The following NINJ2 variants were observed in gnomAD, a reference collection of about 807,000 sequenced individuals.
NINJ2 encodes the protein ninjurin 2, also known as ninjurin-2.
A neutral mutation model predicts 11.7 loss-of-function variants in NINJ2; 12 were observed. The observed-to-expected ratio is 1.02, with a 90% confidence interval of 0.66 to 1.66. The LOEUF is 1.66. Ranked by LOEUF, NINJ2 falls within the 40% of genes most tolerant of loss-of-function variation. The probability of loss-of-function intolerance (pLI) is 0.00; values close to 1 mark genes in which losing one functional copy is unlikely to be tolerated. For missense variants in NINJ2, 187 were observed against 181.8 expected, an observed-to-expected ratio of 1.03 and a Z score of -0.16; for synonymous variants, 93 against 76.8, an observed-to-expected ratio of 1.21 and a Z score of -1.10.
intron 1 of NINJ2, among the ~76,000 whole-genome samples, chr12:600,030 A>G (rs1438274474): frequency 6.6e-6 from 1 of 152,134 alleles, no homozygotes; most frequent in Admixed American, 6.6e-5. Flanking sequence ...ATGTGCCCAG[A>G]AGCAAATTGG....
intron 1 of NINJ2, among the ~76,000 whole-genome samples, chr12:618,330 G>A (rs1948117668): frequency 1.4e-5 from 1 of 72,668 alleles, no homozygotes; most frequent in Non-Finnish European, 3.2e-5. Flanking sequence ...GTGGGGGTGA[G>A]GAGTTGGTAA....
At chr12:582,449 G>T in intron 1 of NINJ2, among the ~76,000 whole-genome samples, 1 of 122,994 alleles carries the variant, frequency 8.1e-6, no homozygotes, top group East Asian at 2.6e-4. Context: ...ATGAATGGAC[G>T]CAGGCAGGCA....
chr12:574,224 A>AAAAT (rs1169879155), intron 1 of NINJ2, among the ~76,000 whole-genome samples: 2 of 152,178 alleles, frequency 1.3e-5, no homozygotes, highest in Non-Finnish European at 1.5e-5. Flanking sequence ...CTCTGTCTCT[A>AAAAT]AAATAAATAA....
intron 1 of NINJ2, among the ~76,000 whole-genome samples, chr12:584,235 G>A (rs1328630168): frequency 6.6e-6 from 1 of 152,194 alleles, no homozygotes; most frequent in African/African-American, 2.4e-5. Context: ...GGAACTACAG[G>A]GATGGGGAGA....
rs763395013 is a variant in NINJ2, at chr12:621,831, A to AG, written c.33+41496_33+41497insC. 7.8e-4 allele frequency among the ~76,000 whole-genome samples: 117 copies of AG among 150,674 alleles called. 1 individual carries two copies. The highest frequency in any genetic ancestry group is 1.9e-3 in the African/African-American group (80 of 41,056). On this transcript the variant is annotated intron_variant, in intron 1 of 3. Transcript: ENST00000305108. Reference sequence around the variant, plus strand: ...ACTCCGTCTCAGAAAAAAAAAAAAAAAGAGAGAGAAAGAATAGTGTGGCCA... The same window carrying AG: ...ACTCCGTCTCAGAAAAAAAAAAAAAAGAGAGAGAGAAAGAATAGTGTGGCCA...
chr12:622,023 T>G lies in NINJ2; in HGVS notation c.33+41305A>C, dbSNP rs188185925. Among the ~76,000 whole-genome samples the G allele has an allele frequency of 6.0e-4, 90 of 149,170 alleles. 1 individual carries two copies. In the East Asian group the frequency reaches 0.013, roughly 22 times the overall value. On this transcript the variant is annotated intron_variant, in intron 1 of 3. Transcript: ENST00000305108. ...CTGTAATCCCAGCTGCTCAGGAGGC[T>G]GAGGTAGAGAACTGCTTGAACCTGG...
chr12:660,349 T>TTTTTTTTTTTTC (rs372498831), intron 1 of NINJ2, among the ~76,000 whole-genome samples: 2,234 of 147,744 alleles, frequency 0.015, 33 homozygotes, highest in African/African-American at 0.038. Flanking sequence ...GCTTTCTTTC[T>TTTTTTTTTTTTC]TTTTTCTTTT....
rs534337040 is a variant in NINJ2 at position 657,127 on chromosome 12, C to G, written c.33+6201G>C. The stretch of plus-strand genomic sequence containing the variant: ...TGTATACAATACCAAAGGGTACAAT[C>G]CATGAAAGAAATAATAAACTGGATT... On this transcript the variant is annotated intron_variant, in intron 1 of 3. Coordinates refer to ENST00000305108, the MANE Select transcript of NINJ2 (RefSeq NM_016533.6). Among the ~76,000 whole-genome samples the G allele has an allele frequency of 1.4e-4, 22 of 152,220 alleles. No individual in the cohort carries two copies. The South Asian group carries it at 4.4e-3, about 30-fold the overall frequency.
At chr12:592,428 C>T (rs971329342) in intron 1 of NINJ2, among the ~76,000 whole-genome samples, 4 of 152,230 alleles carry the variant, frequency 2.6e-5, no homozygotes, top group African/African-American at 9.6e-5. Context: ...TGGCCAGGAG[C>T]GGTGGCTCAC....
At chr12:656,411 A>G (rs1157925441) in intron 1 of NINJ2, among the ~76,000 whole-genome samples, 1 of 151,182 alleles carries the variant, frequency 6.6e-6, no homozygotes, top group East Asian at 1.9e-4. Flanking sequence ...AAAATACTGA[A>G]GGAAAAGAAC....
intron 1 of NINJ2, among the ~76,000 whole-genome samples, chr12:600,962 A>C (rs1394398989): frequency 6.6e-6 from 1 of 152,202 alleles, no homozygotes; most frequent in Non-Finnish European, 1.5e-5. Flanking sequence ...GTAGAAATCT[A>C]TCTGAACTCT....
intron 1 of NINJ2, among the ~76,000 whole-genome samples, chr12:588,185 C>CGGAAGGGACGGAAGGGACAGAAGGGAG (rs1947668769): frequency 7.2e-6 from 1 of 138,798 alleles, no homozygotes; most frequent in African/African-American, 2.8e-5. Context: ...ACGGAAGGGA[C>CGGAAGGGACGGAAGGGACAGAAGGGAG]GGAAGGGACG....
chr12:582,562 A>G, intron 1 of NINJ2, among the ~76,000 whole-genome samples: 1 of 61,420 alleles, frequency 1.6e-5, no homozygotes, highest in African/African-American at 7.7e-5. Flanking sequence ...TGAATGAATG[A>G]ATGGACGCAG....
chr12:650,751 CA>C (rs1265352815), intron 1 of NINJ2, among the ~76,000 whole-genome samples: 1 of 152,130 alleles, frequency 6.6e-6, no homozygotes, highest in Non-Finnish European at 1.5e-5. Context: ...CTGGAACTTC[CA>C]TTTGAAAATA....
intron 1 of NINJ2, among the ~76,000 whole-genome samples, chr12:648,659 C>T (rs1937733622): frequency 6.6e-6 from 1 of 152,188 alleles, no homozygotes; most frequent in Admixed American, 6.5e-5. Flanking sequence ...ATCTAAGCAC[C>T]CCATACTCCC....
At chr12:617,051 C>T (rs1401696277) in intron 1 of NINJ2, among the ~76,000 whole-genome samples, 1 of 152,136 alleles carries the variant, frequency 6.6e-6, no homozygotes, top group Non-Finnish European at 1.5e-5. Flanking sequence ...ACTAAAAATA[C>T]AAAAATTAGC....
At chr12:586,491 A>G (rs1565625176) in intron 1 of NINJ2, 1 of 152,272 alleles carries the variant, frequency 6.6e-6, no homozygotes, top group Non-Finnish European at 1.5e-5. Flanking sequence ...GGACCAGGGA[A>G]CAGCGCAAAA....
chr12:641,468 T>G (rs1229731068), intron 1 of NINJ2, among the ~76,000 whole-genome samples: 1 of 152,180 alleles, frequency 6.6e-6, no homozygotes, highest in Non-Finnish European at 1.5e-5. Flanking sequence ...GGGAGGAGTG[T>G]GCTCCAAATC....
chr12:600,979 T>C (rs1370638593), intron 1 of NINJ2, among the ~76,000 whole-genome samples: 1 of 152,208 alleles, frequency 6.6e-6, no homozygotes, highest in African/African-American at 2.4e-5. Flanking sequence ...CTCTCAATAG[T>C]TAAAACACTC....
Sources: allele counts gnomAD v4.1 joint callset (sites outside exome capture counted in the v4.1 genomes callset), GRCh38; gene constraint gnomAD v4.1.1; transcripts MANE v1.5; gene names NCBI Gene and HGNC (gene_info 2026-07-23, HGNC 2026-07-21).